ZNF385D: variants seen among roughly 807,000 people sequenced by gnomAD.
ZNF385D encodes zinc finger protein 659.
ZNF385D carries 15 observed loss-of-function variants against 35.8 expected under a neutral mutation model. The ratio of observed to expected loss-of-function variants is 0.42; its 90% CI spans 0.28 to 0.64. The LOEUF (loss-of-function observed/expected upper bound fraction) is 0.64, where lower values mean the gene tolerates loss of function less well. Among genes scored for constraint, ZNF385D ranks in the 30% least tolerant of loss-of-function variants. The pLI is 0.23. For missense variants in ZNF385D, 474 were observed against 494.6 expected, an observed-to-expected ratio of 0.96 and a Z score of 0.39; for synonymous variants, 212 against 186.8, an observed-to-expected ratio of 1.13 and a Z score of -1.10.
intron 3 of ZNF385D, among the ~76,000 whole-genome samples, chr3:21,801,313 A>G (rs1183674875): frequency 6.6e-6 from 1 of 152,126 alleles, no homozygotes; most frequent in Admixed American, 6.6e-5. Flanking sequence ...TCTGGTTTTG[A>G]TATCAGGGTA....
intron 2 of ZNF385D, among the ~76,000 whole-genome samples, chr3:22,198,624 A>T (rs1696579504): frequency 6.6e-6 from 1 of 152,116 alleles, no homozygotes; most frequent in African/African-American, 2.4e-5. Context: ...TCAGACCTTT[A>T]ATTTTTTTCT....
At chr3:21,607,527 G>A (rs2064519264) in intron 2 of ZNF385D, among the ~76,000 whole-genome samples, 1 of 152,030 alleles carries the variant, frequency 6.6e-6, no homozygotes, top group Non-Finnish European at 1.5e-5. Context: ...ATATTGATGA[G>A]GCCAAACAAT....
At chr3:22,031,452 A>C (rs748277885) in intron 3 of ZNF385D, among the ~76,000 whole-genome samples, 4 of 152,192 alleles carry the variant, frequency 2.6e-5, no homozygotes, top group African/African-American at 4.8e-5. Context: ...CACCATGTGG[A>C]AGCCTCCAAG....
At chr3:21,760,416 GC>G (rs1358757288) in intron 3 of ZNF385D, among the ~76,000 whole-genome samples, 1 of 152,128 alleles carries the variant, frequency 6.6e-6, no homozygotes, top group East Asian at 1.9e-4. Flanking sequence ...GCTACCCATA[GC>G]CTCTTATAAA....
chr3:21,451,499 T>C (rs1047052391), intron 4 of ZNF385D, among the ~76,000 whole-genome samples: 1 of 152,104 alleles, frequency 6.6e-6, no homozygotes, highest in African/African-American at 2.4e-5. Flanking sequence ...TTCCTTCATA[T>C]AGAGTGGATC....
chr3:22,267,072 A>C (rs927648326), intron 2 of ZNF385D, among the ~76,000 whole-genome samples: 2 of 151,994 alleles, frequency 1.3e-5, no homozygotes, highest in Admixed American at 6.6e-5. Context: ...TTTCTAAAGC[A>C]TAAAGAGGTA....
rs1331776960 is a variant in ZNF385D at position 21,983,177 on chromosome 3, A to T, written c.325+185640T>A. ...TTATTTTATTTTATTATTTTTTTTT[A>T]TTATACTTTAAGTTTTAGGGTACAT... On this transcript the variant is annotated intron_variant, in intron 3 of 5. Transcript: ENST00000494108. Among the ~76,000 whole-genome samples the T allele has an allele frequency of 2.8e-3, 365 of 131,852 alleles. 2 individuals are homozygous for T. The highest frequency in any genetic ancestry group is 5.0e-3 in the Non-Finnish European group (302 of 60,328). The allele number at this position is 131,852 out of a possible 152,430, so 86.5% of individuals were successfully genotyped here.
chr3:22,108,966 T>C (rs1004905032), intron 3 of ZNF385D, among the ~76,000 whole-genome samples: 5 of 152,032 alleles, frequency 3.3e-5, no homozygotes, highest in Non-Finnish European at 7.4e-5. Context: ...GAGCCAAGAT[T>C]ACACCACTGC....
At position 21,705,993 on chromosome 3, in the gene ZNF385D, G is replaced by A. The variant is rs548745127; in HGVS notation, c.23-40965C>T. 3.3e-5 allele frequency among the ~76,000 whole-genome samples: 5 copies of A among 152,334 alleles called. No homozygotes were observed. The East Asian group carries it at 7.7e-4, about 24-fold the overall frequency. On this transcript the variant is annotated intron_variant, in intron 1 of 7. Transcript: ENST00000281523. ...CATGACTCGATCAATGATGGCAAAG[G>A]TGGGGGTGAGGAGTGGAAATTTACC...
chr3:22,072,085 A>T (rs183395900), intron 3 of ZNF385D, among the ~76,000 whole-genome samples: 3 of 152,132 alleles, frequency 2.0e-5, no homozygotes, highest in African/African-American at 4.8e-5. Flanking sequence ...TCATTTATCC[A>T]TATTAGTAAC....
At chr3:22,342,276 CAAAAAAAAAAA>C (rs766689054) in intron 2 of ZNF385D, among the ~76,000 whole-genome samples, 7 of 53,508 alleles carry the variant, frequency 1.3e-4, no homozygotes, top group Non-Finnish European at 2.3e-4. Flanking sequence ...GACTCCGCCT[CAAAAAAAAAAA>C]AAAAAAAAAA....
intron 2 of ZNF385D, among the ~76,000 whole-genome samples, chr3:22,220,448 C>G (rs1364943842): frequency 6.6e-6 from 1 of 152,128 alleles, no homozygotes; most frequent in Non-Finnish European, 1.5e-5. Flanking sequence ...CCATCCAAAT[C>G]TCAACTGGCA....
chr3:21,804,238 CAT>C (rs1353751584), intron 3 of ZNF385D, among the ~76,000 whole-genome samples: 12 of 152,234 alleles, frequency 7.9e-5, no homozygotes, highest in African/African-American at 2.9e-4. Flanking sequence ...TTTTATATCA[CAT>C]TCTTTTTGTT....
intron 3 of ZNF385D, among the ~76,000 whole-genome samples, chr3:21,795,190 A>G (rs1575662890): frequency 6.6e-6 from 1 of 152,170 alleles, no homozygotes; most frequent in East Asian, 1.9e-4. Context: ...TGCCTGCTCT[A>G]AGATCACCCA....
chr3:22,253,627 T>G (rs1700169553), intron 2 of ZNF385D, among the ~76,000 whole-genome samples: 1 of 151,996 alleles, frequency 6.6e-6, no homozygotes, highest in African/African-American at 2.4e-5. Context: ...ATTGATTTTT[T>G]TCAGGTTTAA....
intron 3 of ZNF385D, among the ~76,000 whole-genome samples, chr3:22,061,990 A>G (rs1485891784): frequency 6.6e-6 from 1 of 152,236 alleles, no homozygotes; most frequent in Admixed American, 6.5e-5. Context: ...CACTGAATAC[A>G]TTAGTAAATA....
intron 3 of ZNF385D, among the ~76,000 whole-genome samples, chr3:21,850,785 T>C (rs1159583319): frequency 6.6e-6 from 1 of 152,092 alleles, no homozygotes; most frequent in Non-Finnish European, 1.5e-5. Flanking sequence ...AAGAATAAAC[T>C]GGCCTTAGGT....
chr3:22,234,891 T>C (rs1409724141), intron 2 of ZNF385D, among the ~76,000 whole-genome samples: 1 of 152,112 alleles, frequency 6.6e-6, no homozygotes, highest in Non-Finnish European at 1.5e-5. Flanking sequence ...ATTCTATAAG[T>C]TCTTAAATAA....
At chr3:21,908,141 T>C (rs1222653064) in intron 3 of ZNF385D, among the ~76,000 whole-genome samples, 3 of 149,332 alleles carry the variant, frequency 2.0e-5, no homozygotes, top group Admixed American at 2.0e-4. Flanking sequence ...TATCTATCTA[T>C]CTATCTATCT....
Sources: gnomAD v4.1 joint callset for allele counts (sites outside exome capture counted in the v4.1 genomes callset) on GRCh38, gnomAD v4.1.1 for gene constraint, MANE v1.5 for transcripts, NCBI Gene and HGNC (gene_info 2026-07-23, HGNC 2026-07-21) for gene names.